Variants in LRRC66 observed in about 807,000 individuals in gnomAD.
The protein encoded by LRRC66 is leucine-rich repeat-containing protein 66.
In LRRC66, 29 loss-of-function variants were observed where a neutral mutation model predicts 24.6. The ratio of observed to expected loss-of-function variants is 1.18; its 90% CI spans 0.88 to 1.61. LRRC66 has a LOEUF of 1.61. Among genes scored for constraint, LRRC66 ranks in the 40% most tolerant of loss-of-function variants. The pLI is 0.00. For missense variants in LRRC66, 1,124 were observed against 1,058.0 expected (o/e 1.06, Z -0.87); for synonymous variants, 411 against 397.6 (o/e 1.03, Z -0.40).
chr4:51,997,754 A>C lies in LRRC66; in HGVS notation c.850T>G (p.Ser284Ala). The C allele has an allele frequency of 1.9e-6, 3 of 1,613,820 alleles. No homozygotes were observed. Among genetic ancestry groups the C allele is most frequent in the Non-Finnish European group, 2.5e-6 (3 of 1,179,772 alleles). Residue 284 changes from serine (S) to alanine (A), a missense_variant, in exon 4 of 5, where the codon TCT becomes GCT. By Grantham distance (99) the Ser-to-Ala change is moderately conservative. Transcript: ENST00000682860. ...AGAGACATTACTGACTTACCTATAG[A>C]CCTGTTGCAAATGACATTCCACTTT... is the stretch of plus-strand genomic sequence containing the variant. ...RKKWNVICNR[S>A]IGSEEANGGT... is the part of the protein sequence containing the mutation.
intron 3 of LRRC66, among the ~76,000 whole-genome samples, chr4:51,999,537 G>T (rs899032794): frequency 1.6e-4 from 25 of 152,176 alleles, no homozygotes; most frequent in Admixed American, 6.5e-4. Flanking sequence ...TCTTGGTGAC[G>T]ATCAGTAGCT....
chr4:52,018,584 T>A (rs988317427), intron 1 of LRRC66: 12 of 985,434 alleles, frequency 1.2e-5, no homozygotes, highest in Non-Finnish European at 1.4e-5. Flanking sequence ...GCCTCTTGAC[T>A]TTCCTTCTTT....
rs1221279939 is a variant in LRRC66, at chr4:51,995,933, C to G, written c.1089G>C (p.Gln363His). The G allele has an allele frequency of 6.2e-7, 1 of 1,614,114 alleles. No homozygotes were observed. Among genetic ancestry groups the G allele is most frequent in the African/African-American group, 1.3e-5 (1 of 75,042 alleles). Reference sequence around the variant, plus strand: ...GAGCGTCCTCTTTTTTGCCGGCAGCCTGCACATCGCGGGTGCTTCTAACAC... The same window carrying G: ...GAGCGTCCTCTTTTTTGCCGGCAGCGTGCACATCGCGGGTGCTTCTAACAC... Reference protein sequence around the residue: ...PRSVRSTRDVQAAGKKEDAPQ... With the variant: ...PRSVRSTRDVHAAGKKEDAPQ... The change falls in exon 5 of 5, where the codon CAG (glutamine) becomes CAC (histidine). Residue 363 changes from glutamine (Q) to histidine (H), a missense_variant. Transcript: ENST00000682860.
intron 1 of LRRC66, among the ~76,000 whole-genome samples, chr4:52,019,758 T>C (rs1383196022): frequency 1.3e-5 from 2 of 152,184 alleles, no homozygotes; most frequent in African/African-American, 2.4e-5. Context: ...CAAAAAAATA[T>C]AGTCACCATT....
intron 1 of LRRC66, chr4:52,018,598 A>T: frequency 1.0e-6 from 1 of 985,268 alleles, no homozygotes. Flanking sequence ...CTTCTTTGTG[A>T]TCCATCCTAG....
chr4:52,006,108 C>T (rs1286419613), intron 2 of LRRC66, among the ~76,000 whole-genome samples: 1 of 152,164 alleles, frequency 6.6e-6, no homozygotes, highest in African/African-American at 2.4e-5. Context: ...GCCCTAGGAG[C>T]TAAGTGGAGG....
At chr4:52,016,548 A>G (rs990801302) in intron 2 of LRRC66, among the ~76,000 whole-genome samples, 2 of 152,192 alleles carry the variant, frequency 1.3e-5, no homozygotes, top group Non-Finnish European at 2.9e-5. Context: ...ATGAGAATTT[A>G]TGATAATTGG....
At chr4:52,018,453 A>T in intron 1 of LRRC66, 1 of 985,220 alleles carries the variant, frequency 1.0e-6, no homozygotes, top group African/African-American at 1.7e-5. Context: ...AAATAATCAC[A>T]TTATTGAGTA....
At chr4:52,000,987 C>T (rs1438023098) in intron 3 of LRRC66, among the ~76,000 whole-genome samples, 2 of 152,206 alleles carry the variant, frequency 1.3e-5, no homozygotes, top group African/African-American at 4.8e-5. Context: ...TATCTATGTC[C>T]ATCACCCATG....
chr4:52,011,590 G>A (rs572731083), intron 2 of LRRC66, among the ~76,000 whole-genome samples: 16 of 152,210 alleles, frequency 1.1e-4, no homozygotes, highest in African/African-American at 1.9e-4. Flanking sequence ...GGAAGTTACC[G>A]TTACAGCAAA....
intron 2 of LRRC66, among the ~76,000 whole-genome samples, chr4:52,004,947 C>T (rs1270248187): frequency 6.6e-6 from 1 of 152,154 alleles, no homozygotes; most frequent in East Asian, 1.9e-4. Flanking sequence ...GACATAAACT[C>T]GAAGTAAAGT....
intron 3 of LRRC66, among the ~76,000 whole-genome samples, chr4:52,000,051 C>T (rs1205002747): frequency 6.6e-6 from 1 of 152,150 alleles, no homozygotes; most frequent in African/African-American, 2.4e-5. Flanking sequence ...AAGAAAACAA[C>T]ATCCATTGTG....
At position 52,003,362 on chromosome 4, in the gene LRRC66, A is replaced by G. The variant is rs1429397247; in HGVS notation, c.527T>C (p.Leu176Ser). The change falls in exon 3 of 5, where the codon TTG (leucine) becomes TCG (serine). Residue 176 changes from leucine (L) to serine (S), a missense_variant. Physicochemically the swap from Leu to Ser is moderately radical, Grantham distance 145. Coordinates refer to ENST00000682860, the MANE Select transcript of LRRC66 (RefSeq NM_001024611.3). ...CAATATCCCATTGAATGACAGATCC[A>G]AACTCTGCAATGACTTCAGTTTCCA... is the stretch of plus-strand genomic sequence containing the variant. ...GLWKLKSLQS[L>S]DLSFNGILQI... The G allele has an allele frequency of 6.2e-7, 1 of 1,613,502 alleles. No individual in the cohort carries two copies. The highest frequency in any genetic ancestry group is 1.1e-5 in the South Asian group (1 of 90,806).
At chr4:52,016,092 A>G (rs567935908) in intron 2 of LRRC66, among the ~76,000 whole-genome samples, 2 of 152,318 alleles carry the variant, frequency 1.3e-5, no homozygotes, top group South Asian at 4.1e-4. Context: ...TGAAAATATG[A>G]CATACTACTT....
intron 1 of LRRC66, among the ~76,000 whole-genome samples, chr4:52,019,807 T>C (rs574075776): frequency 3.9e-5 from 6 of 152,238 alleles, no homozygotes; most frequent in Non-Finnish European, 7.4e-5. Context: ...GAGAAAGACA[T>C]GGTTGAAAAA....
intron 3 of LRRC66, among the ~76,000 whole-genome samples, chr4:52,001,214 A>T (rs1402797671): frequency 1.3e-5 from 2 of 152,244 alleles, no homozygotes; most frequent in African/African-American, 2.4e-5. Context: ...GGAAATGTAT[A>T]GCATGTTATA....
At chr4:52,016,196 T>A (rs1736805180) in intron 2 of LRRC66, among the ~76,000 whole-genome samples, 1 of 152,232 alleles carries the variant, frequency 6.6e-6, no homozygotes, top group African/African-American at 2.4e-5. Flanking sequence ...GCTAGGCTAT[T>A]ATTGCCAAAA....
chr4:52,015,917 C>T (rs1210750830), intron 2 of LRRC66, among the ~76,000 whole-genome samples: 6 of 151,912 alleles, frequency 3.9e-5, no homozygotes. Flanking sequence ...GAAAAAGGTA[C>T]AAATAGGCAT....
chr4:52,008,684 T>C (rs1736637549), intron 2 of LRRC66, among the ~76,000 whole-genome samples: 1 of 152,088 alleles, frequency 6.6e-6, no homozygotes, highest in Non-Finnish European at 1.5e-5. Context: ...AGTAAAAATA[T>C]ATTTGAAAAA....
Sources: gnomAD v4.1 joint callset for allele counts (sites outside exome capture counted in the v4.1 genomes callset) on GRCh38, gnomAD v4.1.1 for gene constraint, MANE v1.5 for transcripts, NCBI Gene and HGNC (gene_info 2026-07-23, HGNC 2026-07-21) for gene names.